Variants in CNTN4 observed in about 807,000 individuals in gnomAD.
CNTN4 encodes contactin-4.
CNTN4 carries 77 observed loss-of-function variants against 122.5 expected under a neutral mutation model. The observed-to-expected ratio is 0.63, with a 90% CI of 0.52 to 0.76. The LOEUF (loss-of-function observed/expected upper bound fraction) is 0.76. CNTN4 is among the 30% of genes least tolerant of loss of function. The pLI is 0.00. For synonymous variants in CNTN4, 512 were observed against 447.0 expected, an observed-to-expected ratio of 1.15 and a Z score of -1.83; for missense variants, 1,256 against 1,259.1, an observed-to-expected ratio of 1.00 and a Z score of 0.04.
intron 2 of CNTN4, among the ~76,000 whole-genome samples, chr3:2,189,874 G>A (rs1307963811): frequency 6.6e-6 from 1 of 152,122 alleles, no homozygotes; most frequent in Non-Finnish European, 1.5e-5. Context: ...CCAAATTTTA[G>A]ACCTGTGATT....
At chr3:2,604,134 A>G (rs2081161590) in intron 4 of CNTN4, among the ~76,000 whole-genome samples, 1 of 152,222 alleles carries the variant, frequency 6.6e-6, no homozygotes, top group African/African-American at 2.4e-5. Flanking sequence ...GTCAAAGAAA[A>G]AGAAAGTAGG....
intron 3 of CNTN4, among the ~76,000 whole-genome samples, chr3:2,416,924 G>T (rs1341563753): frequency 6.6e-6 from 1 of 151,700 alleles, no homozygotes; most frequent in Admixed American, 6.6e-5. Context: ...AAAGTGCTGG[G>T]ATTACACGCG....
chr3:2,311,198 C>T (rs2042901541), intron 2 of CNTN4, among the ~76,000 whole-genome samples: 2 of 152,050 alleles, frequency 1.3e-5, no homozygotes, highest in South Asian at 2.1e-4. Flanking sequence ...ACCTGTCCTG[C>T]CTAGCAGTAG....
At chr3:3,007,491 G>A (rs544540168) in intron 14 of CNTN4, among the ~76,000 whole-genome samples, 25 of 152,342 alleles carry the variant, frequency 1.6e-4, no homozygotes, top group Middle Eastern at 3.4e-3. Flanking sequence ...GGCTCTGCCT[G>A]TGGTTATCTA....
intron 2 of CNTN4, among the ~76,000 whole-genome samples, chr3:2,297,143 C>T (rs1270232391): frequency 3.9e-5 from 6 of 151,976 alleles, no homozygotes; most frequent in East Asian, 1.9e-4. Context: ...AAATGTCAAC[C>T]GTAATGTCTT....
At chr3:2,786,101 C>T (rs114093326) in intron 6 of CNTN4, among the ~76,000 whole-genome samples, 3,659 of 152,050 alleles carry the variant, frequency 0.024, 66 homozygotes, top group Middle Eastern at 0.051. Context: ...GACAACCCTT[C>T]CCCTCCATCC....
intron 4 of CNTN4, among the ~76,000 whole-genome samples, chr3:2,609,137 T>C (rs2081377821): frequency 6.6e-6 from 1 of 152,232 alleles, no homozygotes; most frequent in Admixed American, 6.5e-5. Flanking sequence ...GATATTGCTG[T>C]GGTTTCAATG....
chr3:2,416,716 T>C (rs556583033), intron 3 of CNTN4, among the ~76,000 whole-genome samples: 39 of 151,958 alleles, frequency 2.6e-4, no homozygotes, highest in Non-Finnish European at 4.4e-4. Flanking sequence ...TGCAGTGGTG[T>C]GATCTCAGCT....
chr3:2,334,500 G>T (rs2043864463), intron 2 of CNTN4, among the ~76,000 whole-genome samples: 1 of 152,086 alleles, frequency 6.6e-6, no homozygotes, highest in African/African-American at 2.4e-5. Context: ...GATAATTTTG[G>T]CCCTGTCTTA....
At chr3:2,143,184 G>A (rs556373117) in intron 2 of CNTN4, among the ~76,000 whole-genome samples, 18 of 152,192 alleles carry the variant, frequency 1.2e-4, no homozygotes, top group Middle Eastern at 6.8e-3. Flanking sequence ...TCTGTTTTAC[G>A]TTTCCCATTT....
intron 2 of CNTN4, among the ~76,000 whole-genome samples, chr3:2,166,432 T>C (rs2036198878): frequency 6.6e-6 from 1 of 152,106 alleles, no homozygotes; most frequent in Non-Finnish European, 1.5e-5. Context: ...AGTGTAAACC[T>C]GAGATAGGTC....
At chr3:2,908,845 G>T (rs2094266536) in intron 12 of CNTN4, among the ~76,000 whole-genome samples, 1 of 152,168 alleles carries the variant, frequency 6.6e-6, no homozygotes, top group Non-Finnish European at 1.5e-5. Context: ...AGGAGAAGTA[G>T]CTTCTATCCT....
intron 2 of CNTN4, among the ~76,000 whole-genome samples, chr3:2,154,085 G>C (rs192151001): frequency 2.3e-3 from 351 of 152,090 alleles, no homozygotes; most frequent in African/African-American, 8.0e-3. Context: ...TGTTGTCTAT[G>C]ATAAAATGGA....
At chr3:2,987,504 A>G (rs1694686691) in intron 13 of CNTN4, among the ~76,000 whole-genome samples, 1 of 152,220 alleles carries the variant, frequency 6.6e-6, no homozygotes, top group Non-Finnish European at 1.5e-5. Context: ...GAAAGATGTG[A>G]GCAGATCTGA....
chr3:2,326,988 C>T (rs1292531690), intron 2 of CNTN4, among the ~76,000 whole-genome samples: 1 of 152,094 alleles, frequency 6.6e-6, no homozygotes, highest in Non-Finnish European at 1.5e-5. Context: ...TTCCCACCTA[C>T]AAAGATGTAG....
intron 2 of CNTN4, among the ~76,000 whole-genome samples, chr3:2,239,756 G>A (rs891503025): frequency 1.3e-5 from 2 of 152,116 alleles, no homozygotes; most frequent in Admixed American, 6.5e-5. Flanking sequence ...TTCATTTATA[G>A]GGATAAGACA....
chr3:2,676,852 T>G (rs990096416), intron 4 of CNTN4, among the ~76,000 whole-genome samples: 3 of 152,232 alleles, frequency 2.0e-5, no homozygotes, highest in African/African-American at 7.2e-5. Context: ...GCATGTATCA[T>G]CCAGCGAAGA....
chr3:2,580,059 GTA>G (rs1000166881), intron 4 of CNTN4, among the ~76,000 whole-genome samples: 15 of 142,578 alleles, frequency 1.1e-4, no homozygotes, highest in South Asian at 2.3e-4. Context: ...GTGTGTGTGT[GTA>G]TGTACATACA....
intron 3 of CNTN4, among the ~76,000 whole-genome samples, chr3:2,545,678 G>A (rs1047154692): frequency 5.3e-5 from 8 of 149,662 alleles, no homozygotes; most frequent in African/African-American, 2.0e-4. Context: ...CTGAAATCAC[G>A]ATAGCAACTT....
Sources: gnomAD v4.1 joint callset for allele counts (sites outside exome capture counted in the v4.1 genomes callset) on GRCh38, gnomAD v4.1.1 for gene constraint, MANE v1.5 for transcripts, NCBI Gene and HGNC (gene_info 2026-07-23, HGNC 2026-07-21) for gene names.